The following CNTN4 variants were observed in gnomAD, a reference collection of about 807,000 sequenced individuals.
The protein encoded by CNTN4 is contactin 4.
CNTN4 carries 77 observed loss-of-function variants against 122.5 expected under a neutral mutation model. The ratio of observed to expected loss-of-function variants is 0.63; its 90% CI spans 0.52 to 0.76. The LOEUF is 0.76. Among genes scored for constraint, CNTN4 ranks in the 30% least tolerant of loss-of-function variants. The pLI is 0.00. For missense variants in CNTN4, 1,256 were observed against 1,259.1 expected (o/e 1.00, Z 0.04); for synonymous variants, 512 against 447.0 (o/e 1.15, Z -1.83).
chr3:3,026,633 T>C (rs1428045343), intron 15 of CNTN4, among the ~76,000 whole-genome samples: 2 of 152,104 alleles, frequency 1.3e-5, no homozygotes, highest in African/African-American at 4.8e-5. Context: ...ATATCATATA[T>C]CCTAGAATCT....
intron 2 of CNTN4, among the ~76,000 whole-genome samples, chr3:2,279,372 C>T (rs2041633496): frequency 6.6e-6 from 1 of 152,088 alleles, no homozygotes; most frequent in African/African-American, 2.4e-5. Flanking sequence ...ATATAATGAG[C>T]AACTTTCACA....
At chr3:2,512,658 G>A (rs562484549) in intron 3 of CNTN4, among the ~76,000 whole-genome samples, 86 of 152,114 alleles carry the variant, frequency 5.7e-4, no homozygotes, top group Non-Finnish European at 1.2e-3. Context: ...TGTAAAAATT[G>A]AATTTGAATA....
chr3:2,625,414 A>T (rs2082145725), intron 4 of CNTN4, among the ~76,000 whole-genome samples: 1 of 152,238 alleles, frequency 6.6e-6, no homozygotes, highest in South Asian at 2.1e-4. Flanking sequence ...ACTTAATGAC[A>T]GTTTAAGCCA....
At chr3:2,399,998 A>C (rs115074580) in intron 3 of CNTN4, among the ~76,000 whole-genome samples, 4,489 of 152,140 alleles carry the variant, frequency 0.03, 209 homozygotes, top group African/African-American at 0.096. Flanking sequence ...AATTGTGTGC[A>C]TCATGTAATA....
At chr3:3,046,440 C>G (rs1284652641) in intron 23 of CNTN4, among the ~76,000 whole-genome samples, 1 of 152,188 alleles carries the variant, frequency 6.6e-6, no homozygotes, top group African/African-American at 2.4e-5. Context: ...TTGGCAGAAA[C>G]TCTACAAGCC....
At chr3:2,362,503 T>C in intron 3 of CNTN4, 2 of 549,060 alleles carry the variant, frequency 3.6e-6, no homozygotes, top group Admixed American at 4.3e-5. Context: ...GGTGGCTCCA[T>C]AGGCTCCTGT....
chr3:2,707,049 C>T (rs570184689), intron 4 of CNTN4, among the ~76,000 whole-genome samples: 2 of 152,084 alleles, frequency 1.3e-5, no homozygotes, highest in Admixed American at 6.6e-5. Context: ...CTTGTAGTCC[C>T]AGCACTTTAG....
intron 3 of CNTN4, among the ~76,000 whole-genome samples, chr3:2,564,643 C>T (rs536009117): frequency 3.9e-5 from 6 of 152,152 alleles, no homozygotes; most frequent in African/African-American, 1.4e-4. Flanking sequence ...CAGCACTGAG[C>T]CTGGAACGCA....
chr3:2,327,971 G>C (rs1286033213), intron 2 of CNTN4, among the ~76,000 whole-genome samples: 3 of 152,190 alleles, frequency 2.0e-5, no homozygotes, highest in Admixed American at 2.0e-4. Flanking sequence ...TCATCTGGAG[G>C]AGTCCTGACT....
chr3:2,315,022 T>G (rs969441373), intron 2 of CNTN4, among the ~76,000 whole-genome samples: 1 of 152,088 alleles, frequency 6.6e-6, no homozygotes, highest in Non-Finnish European at 1.5e-5. Flanking sequence ...TTATATTTCC[T>G]AAGAGTTTTT....
At chr3:2,927,423 C>T (rs1256451459) in intron 13 of CNTN4, 1 of 429,024 alleles carries the variant, frequency 2.3e-6, no homozygotes, top group Non-Finnish European at 4.7e-6. Flanking sequence ...AAAGCCTCTA[C>T]TTAGAAGTGC....
At chr3:2,108,289 C>T (rs1339437430) in intron 2 of CNTN4, among the ~76,000 whole-genome samples, 1 of 151,738 alleles carries the variant, frequency 6.6e-6, no homozygotes, top group Non-Finnish European at 1.5e-5. Context: ...CTAAGTTAAG[C>T]CTCTTTCAAT....
At chr3:2,601,207 T>C (rs1186581117) in intron 4 of CNTN4, among the ~76,000 whole-genome samples, 2 of 152,220 alleles carry the variant, frequency 1.3e-5, no homozygotes, top group East Asian at 3.9e-4. Context: ...TTAGTTTAAT[T>C]AGATCCCATT....
At chr3:2,516,854 G>A (rs1054876077) in intron 3 of CNTN4, among the ~76,000 whole-genome samples, 2 of 152,022 alleles carry the variant, frequency 1.3e-5, no homozygotes, top group African/African-American at 4.8e-5. Context: ...GACTAAAGGA[G>A]ACAGATTTAA....
At chr3:2,196,874 G>A (rs368251521) in intron 2 of CNTN4, among the ~76,000 whole-genome samples, 1 of 151,598 alleles carries the variant, frequency 6.6e-6, no homozygotes, top group South Asian at 2.1e-4. Flanking sequence ...GAGAAACCTC[G>A]TCTCTACTAA....
intron 4 of CNTN4, among the ~76,000 whole-genome samples, chr3:2,612,066 AT>A (rs2081515873): frequency 6.6e-6 from 1 of 151,712 alleles, no homozygotes; most frequent in Non-Finnish European, 1.5e-5. Context: ...AGAAAAATCT[AT>A]TATTCAACTT....
chr3:2,716,771 G>T (rs2087521138), intron 4 of CNTN4, among the ~76,000 whole-genome samples: 1 of 152,068 alleles, frequency 6.6e-6, no homozygotes, highest in Admixed American at 6.5e-5. Context: ...CCACCTAGTA[G>T]CCCTTTCCAA....
At chr3:2,961,430 A>G (rs1232987938) in intron 13 of CNTN4, among the ~76,000 whole-genome samples, 1 of 152,060 alleles carries the variant, frequency 6.6e-6, no homozygotes, top group Admixed American at 6.5e-5. Flanking sequence ...TAGACAAGGG[A>G]TATCTGCTAA....
intron 2 of CNTN4, among the ~76,000 whole-genome samples, chr3:2,208,112 C>G (rs762417590): frequency 1.3e-5 from 2 of 152,080 alleles, no homozygotes; most frequent in Non-Finnish European, 2.9e-5. Flanking sequence ...AAGATATATA[C>G]TTCATAAGGC....
Sources: gnomAD v4.1 joint callset for allele counts (sites outside exome capture counted in the v4.1 genomes callset) on GRCh38, gnomAD v4.1.1 for gene constraint, MANE v1.5 for transcripts, NCBI Gene and HGNC (gene_info 2026-07-23, HGNC 2026-07-21) for gene names.